Variants in POU2F1 observed in about 807,000 individuals in gnomAD.
The protein encoded by POU2F1 is POU domain, class 2, transcription factor 1.
POU2F1 carries 16 observed loss-of-function variants against 84.9 expected under a neutral mutation model. The ratio of observed to expected loss-of-function variants is 0.19; its 90% CI spans 0.13 to 0.29. The LOEUF is 0.29. Among genes scored for constraint, POU2F1 ranks in the 10% least tolerant of loss-of-function variants. The probability of loss-of-function intolerance (pLI) is 1.00; values close to 1 mark genes in which losing one functional copy is unlikely to be tolerated. For synonymous variants in POU2F1, 368 were observed against 368.3 expected (o/e 1.00, Z 0.01); for missense variants, 738 against 942.6 (o/e 0.78, Z 2.84).
At chr1:167,303,761 G>A (rs1414934014) in intron 1 of POU2F1, among the ~76,000 whole-genome samples, 2 of 152,216 alleles carry the variant, frequency 1.3e-5, no homozygotes, top group East Asian at 3.9e-4. Flanking sequence ...TGGGATGCCT[G>A]CGACCCAGCC....
At chr1:167,405,028 GGTAC>G (rs1245798735) in intron 13 of POU2F1, among the ~76,000 whole-genome samples, 3 of 152,076 alleles carry the variant, frequency 2.0e-5, no homozygotes, top group African/African-American at 7.2e-5. Flanking sequence ...TTTTCCCATA[GGTAC>G]GTTTGACACA....
chr1:167,403,650 TC>T (rs1649359055), intron 13 of POU2F1, among the ~76,000 whole-genome samples: 1 of 152,224 alleles, frequency 6.6e-6, no homozygotes, highest in Admixed American at 6.5e-5. Flanking sequence ...ACGGCCATTG[TC>T]TTAATCATAC....
chr1:167,388,050 TAAAAG>T (rs1648117232), intron 8 of POU2F1, among the ~76,000 whole-genome samples: 1 of 152,046 alleles, frequency 6.6e-6, no homozygotes, highest in South Asian at 2.1e-4. Context: ...CCCTGAAAAA[TAAAAG>T]GAAGAAAGCA....
At chr1:167,248,196 A>C (rs1346087036) in intron 1 of POU2F1, among the ~76,000 whole-genome samples, 3 of 152,192 alleles carry the variant, frequency 2.0e-5, no homozygotes, top group Non-Finnish European at 4.4e-5. Flanking sequence ...GTGGGTAGTT[A>C]TGTTTACTTG....
At chr1:167,318,454 T>C (rs1319684827) in intron 1 of POU2F1, among the ~76,000 whole-genome samples, 4 of 152,238 alleles carry the variant, frequency 2.6e-5, no homozygotes, top group Admixed American at 6.5e-5. Flanking sequence ...ATAGGAATCA[T>C]TGCTCAGCAC....
At chr1:167,266,541 A>T (rs746520147) in intron 1 of POU2F1, among the ~76,000 whole-genome samples, 18 of 152,008 alleles carry the variant, frequency 1.2e-4, no homozygotes, top group Non-Finnish European at 2.4e-4. Flanking sequence ...TATTTAAAAG[A>T]TTGTTGTCTG....
chr1:167,327,611 T>C (rs1023178590), intron 1 of POU2F1, among the ~76,000 whole-genome samples: 1 of 152,184 alleles, frequency 6.6e-6, no homozygotes, highest in Admixed American at 6.5e-5. Flanking sequence ...TCCTCAAATC[T>C]AGTGCACTCT....
intron 1 of POU2F1, among the ~76,000 whole-genome samples, chr1:167,330,729 G>A (rs1307464542): frequency 6.6e-6 from 1 of 152,042 alleles, no homozygotes; most frequent in African/African-American, 2.4e-5. Context: ...TAAAATACCT[G>A]TGACATAGTC....
At chr1:167,268,891 C>G (rs1230403311) in intron 1 of POU2F1, among the ~76,000 whole-genome samples, 1 of 152,158 alleles carries the variant, frequency 6.6e-6, no homozygotes, top group Non-Finnish European at 1.5e-5. Context: ...TCTTTTAATC[C>G]TATAGCTTAA....
Position 167,296,937 on chromosome 1 carries a change from C to T in POU2F1, c.62-35533C>T, listed in dbSNP as rs147531075. On this transcript the variant is annotated intron_variant, in intron 1 of 15. Transcript: ENST00000367866. ...CAAATATGCTATATATGTTTATATG[C>T]TGTATGGGAAGACTGATTTTTTTAA... is the stretch of plus-strand genomic sequence containing the variant. 3.2e-4 allele frequency among the ~76,000 whole-genome samples: 49 copies of T among 152,060 alleles called. No homozygotes were observed. The East Asian group carries it at 9.5e-3, about 29-fold the overall frequency.
chr1:167,222,967 T>C (rs1036065514), intron 1 of POU2F1, among the ~76,000 whole-genome samples: 1 of 152,178 alleles, frequency 6.6e-6, no homozygotes, highest in African/African-American at 2.4e-5. Flanking sequence ...ACTTTTTTTT[T>C]CCTCTAGGAG....
At chr1:167,280,066 C>T (rs1047326848) in intron 1 of POU2F1, among the ~76,000 whole-genome samples, 14 of 151,654 alleles carry the variant, frequency 9.2e-5, no homozygotes, top group Admixed American at 5.3e-4. Flanking sequence ...ATTAGCCAGG[C>T]GCCTGTAATC....
intron 7 of POU2F1, among the ~76,000 whole-genome samples, chr1:167,382,622 G>GGC (rs1406596974): frequency 2.6e-5 from 4 of 152,182 alleles, no homozygotes; most frequent in African/African-American, 9.7e-5. Flanking sequence ...ACTATAGGGA[G>GGC]ACACTTGGGG....
intron 12 of POU2F1, among the ~76,000 whole-genome samples, chr1:167,401,146 A>G (rs1227890625): frequency 2.0e-5 from 3 of 152,228 alleles, no homozygotes; most frequent in Non-Finnish European, 4.4e-5. Context: ...CATGTACCCC[A>G]GATTCCCTGA....
At chr1:167,380,216 G>A (rs1410460845) in intron 7 of POU2F1, 2 of 152,174 alleles carry the variant, frequency 1.3e-5, no homozygotes, top group African/African-American at 4.8e-5. Context: ...TTAACTTTAT[G>A]GGCCCCTGTT....
intron 1 of POU2F1, among the ~76,000 whole-genome samples, chr1:167,316,806 C>G (rs1307050831): frequency 6.6e-6 from 1 of 152,060 alleles, no homozygotes; most frequent in Non-Finnish European, 1.5e-5. Flanking sequence ...GGGTTTTAAA[C>G]AAAACAAGGC....
chr1:167,362,343 G>C (rs1426802672), intron 2 of POU2F1, among the ~76,000 whole-genome samples: 1 of 152,136 alleles, frequency 6.6e-6, no homozygotes, highest in East Asian at 1.9e-4. Context: ...TTATGAGGTG[G>C]TTAGTCCAGT....
intron 1 of POU2F1, among the ~76,000 whole-genome samples, chr1:167,251,597 C>T (rs2102405132): frequency 6.6e-6 from 1 of 152,122 alleles, no homozygotes; most frequent in African/African-American, 2.4e-5. Context: ...CCCTCATGGT[C>T]TCTGTATATC....
chr1:167,375,723 A>G (rs541014139), intron 6 of POU2F1, among the ~76,000 whole-genome samples: 1 of 152,220 alleles, frequency 6.6e-6, no homozygotes, highest in Non-Finnish European at 1.5e-5. Context: ...TAAAACCCAT[A>G]TTGGTCTTTA....
Sources: allele counts gnomAD v4.1 joint callset (sites outside exome capture counted in the v4.1 genomes callset), GRCh38; gene constraint gnomAD v4.1.1; transcripts MANE v1.5; gene names NCBI Gene and HGNC (gene_info 2026-07-23, HGNC 2026-07-21).